Variants in KLKB1 observed in about 807,000 individuals in gnomAD.
The protein encoded by KLKB1 is kallikrein B1, also known as plasma kallikrein.
A neutral mutation model predicts 73.6 loss-of-function variants in KLKB1; 58 were observed. The observed-to-expected ratio is 0.79, with a 90% CI of 0.64 to 0.98. The LOEUF is 0.98. KLKB1 is among the 50% of genes least tolerant of loss of function. The pLI, the probability that KLKB1 is intolerant of heterozygous loss-of-function variation, is 0.00. For missense variants in KLKB1, 737 were observed against 763.8 expected (o/e 0.96, Z 0.41); for synonymous variants, 280 against 258.1 (o/e 1.08, Z -0.81).
intron 2 of KLKB1, among the ~76,000 whole-genome samples, chr4:186,219,367 G>T (rs557063859): frequency 6.6e-6 from 1 of 152,134 alleles, no homozygotes; most frequent in East Asian, 1.9e-4. Context: ...TAATAATAAG[G>T]TCATAATTAT....
chr4:186,216,125 A>G (rs1282759552), intron 2 of KLKB1, among the ~76,000 whole-genome samples: 3 of 152,248 alleles, frequency 2.0e-5, no homozygotes, highest in South Asian at 4.1e-4. Context: ...GTAATAGCTT[A>G]CATGTGCGAT....
chr4:186,235,956 A>T (rs949085310), intron 4 of KLKB1, among the ~76,000 whole-genome samples: 1 of 151,984 alleles, frequency 6.6e-6, no homozygotes, highest in African/African-American at 2.4e-5. Context: ...TCTACTAAAA[A>T]TACAAAAATT....
At chr4:186,234,991 A>G (rs1311606385) in intron 4 of KLKB1, among the ~76,000 whole-genome samples, 2 of 152,138 alleles carry the variant, frequency 1.3e-5, no homozygotes, top group East Asian at 1.9e-4. Context: ...ATGTTTTTAA[A>G]TTTGTCATCC....
chr4:186,234,024 A>G lies in KLKB1; in HGVS notation c.294A>G (p.Gly98=). ...TACATCGAACAGGTGCAGTTTCTGG[A>G]CATTCCTTGAAGCAATGTGGTCATC... The part of the protein sequence containing the change: ...PKVHRTGAVS[G]HSLKQCGHQI... Residue 98 remains glycine (G), a synonymous_variant, in exon 4 of 15, where the codon GGA becomes GGG. Transcript: ENST00000264690. The G allele has an allele frequency of 6.2e-7, 1 of 1,614,018 alleles. No individual in the cohort carries two copies. The highest frequency in any genetic ancestry group is 8.5e-7 in the Non-Finnish European group (1 of 1,179,888).
At chr4:186,221,585 G>C (rs562151000), upstream of KLKB1, among the ~76,000 whole-genome samples, 3 of 151,932 alleles carry the variant, frequency 2.0e-5, no homozygotes, top group Non-Finnish European at 2.9e-5. Context: ...TAATTTTCAT[G>C]TATTTGTGAA....
chr4:186,250,396 C>T lies in KLKB1; in HGVS notation c.752C>T (p.Ser251Leu). ...TATACAAATGTATGGAAAATCGAGT[C>T]ACAAAGGCGAGTATGCATGGAAAAT... ...TFYTNVWKIE[S>L]QRNVCLLKTS... Residue 251 changes from serine to leucine, a missense_variant, in exon 7 of 15, where the codon TCA (serine) becomes TTA (leucine). By Grantham distance (145) the Ser-to-Leu change is moderately radical. Coordinates refer to ENST00000264690, the MANE Select transcript of KLKB1 (RefSeq NM_000892.5). 6.2e-7 allele frequency: 1 copy of T among 1,613,814 alleles called. No homozygotes were observed. The highest frequency in any genetic ancestry group is 8.5e-7 in the Non-Finnish European group (1 of 1,179,748).
Position 186,252,778 on chromosome 4 carries a change from C to T in KLKB1, c.1313+593C>T, listed in dbSNP as rs541826763. On this transcript the variant is annotated intron_variant, in intron 11 of 14. Transcript: ENST00000264690. ...TCCCACCACCAATCCCTGATGTGTT[C>T]TTCAAAGACTTATTTGTCAGGCCCA... is the stretch of plus-strand genomic sequence containing the variant. 9.2e-5 allele frequency among the ~76,000 whole-genome samples: 14 copies of T among 152,174 alleles called. No individual in the cohort carries two copies. The South Asian group carries it at 2.9e-3, about 32-fold the overall frequency.
Position 186,233,824 on chromosome 4 carries a change from C to A in KLKB1, c.222-128C>A, listed in dbSNP as rs1168905465. 4.0e-5 allele frequency: 28 copies of A among 702,128 alleles called. No individual in the cohort carries two copies. The Admixed American group carries it at 5.5e-4, about 14-fold the overall frequency. The allele number at this position is 702,128 out of a possible 1,614,324, so 43.5% of individuals were successfully genotyped here. A position where few individuals can be genotyped will look rare whatever the true frequency, so the allele number is the denominator to read the frequency against. On this transcript the variant is annotated intron_variant, in intron 3 of 14. Transcript: ENST00000264690. ...TTAGCTCTAAGAGTGTTCTTTCCAG[C>A]AAGTATTGGGGAAGCTATATTATTT... is the stretch of plus-strand genomic sequence containing the variant.
At chr4:186,241,677 T>C (rs1738059683) in intron 6 of KLKB1, among the ~76,000 whole-genome samples, 2 of 152,122 alleles carry the variant, frequency 1.3e-5, no homozygotes, top group Non-Finnish European at 2.9e-5. Flanking sequence ...GAGGAAAACA[T>C]AAATTGGAAA....
intron 4 of KLKB1, among the ~76,000 whole-genome samples, chr4:186,234,540 T>C (rs948635465): frequency 6.6e-6 from 1 of 152,216 alleles, no homozygotes; most frequent in Non-Finnish European, 1.5e-5. Flanking sequence ...AATGTTTGAA[T>C]GCTGACCAAC....
In KLKB1 at chr4:186,248,814, C is replaced by T. The variant is rs549752886; in HGVS notation, c.599-1429C>T. ...ACCAGCAACAATTGAGGGCTTCAGT[C>T]TCTCTACAACCTTAACAACACTTGT... On this transcript the variant is annotated intron_variant, in intron 6 of 14. Coordinates refer to ENST00000264690, the MANE Select transcript of KLKB1 (RefSeq NM_000892.5). 3.9e-5 allele frequency among the ~76,000 whole-genome samples: 6 copies of T among 152,252 alleles called. No homozygotes were observed. In the South Asian group the frequency reaches 1.2e-3, roughly 32 times the overall value.
At chr4:186,223,409 A>C (rs1312759874), upstream of KLKB1, among the ~76,000 whole-genome samples, 1 of 152,250 alleles carries the variant, frequency 6.6e-6, no homozygotes, top group Non-Finnish European at 1.5e-5. Flanking sequence ...GGTTTTGACC[A>C]AAATGCTGAT....
At chr4:186,213,219 T>C (rs182480786) in intron 2 of KLKB1, 1 of 152,364 alleles carries the variant, frequency 6.6e-6, no homozygotes, top group East Asian at 1.9e-4. Flanking sequence ...AATTATTTCA[T>C]ATGCTACAGT....
chr4:186,257,159 A>G, intron 13 of KLKB1, 67 bp from the exon 14 acceptor site: 1 of 797,306 alleles, frequency 1.3e-6, no homozygotes, highest in Non-Finnish European at 1.9e-6. Context: ...TATTCCCAAT[A>G]TTATTATTTA....
At chr4:186,243,342 G>A (rs1043406049) in intron 6 of KLKB1, among the ~76,000 whole-genome samples, 1 of 152,216 alleles carries the variant, frequency 6.6e-6, no homozygotes, top group African/African-American at 2.4e-5. Flanking sequence ...GGCCTGTGAG[G>A]CTGGAGGAGA....
At chr4:186,251,105 C>A in intron 7 of KLKB1, 114 bp from the exon 8 acceptor site, 1 of 697,022 alleles carries the variant, frequency 1.4e-6, no homozygotes, top group South Asian at 1.7e-5. Context: ...GAGAGTTTCC[C>A]AGAAGAATAA....
chr4:186,224,281 C>G (rs1411423899), upstream of KLKB1, among the ~76,000 whole-genome samples: 2 of 152,224 alleles, frequency 1.3e-5, no homozygotes, highest in African/African-American at 4.8e-5. Flanking sequence ...CCCACTGGAG[C>G]ACTGCCCAGT....
chr4:186,219,829 A>G (rs1736994756), intron 2 of KLKB1, among the ~76,000 whole-genome samples: 1 of 152,078 alleles, frequency 6.6e-6, no homozygotes, highest in Admixed American at 6.6e-5. Context: ...CCTTAATCAC[A>G]GGGCATGGTA....
rs749215436 is a variant in KLKB1 at position 186,251,814 on chromosome 4, G to A, written c.1097G>A (p.Gly366Glu). Residue 366 changes from glycine (G) to glutamate (E), a missense_variant, in exon 10 of 15, where the codon GGG (glycine) becomes GAG (glutamate). Coordinates refer to ENST00000264690, the MANE Select transcript of KLKB1 (RefSeq NM_000892.5). ...SPTRIAYGTQGSSGYSLRLCN... is the reference protein window; with the variant it reads ...SPTRIAYGTQESSGYSLRLCN... Reference sequence around the variant, plus strand: ...ACTAGGATTGCGTATGGGACACAAGGGAGCTCTGGTTACTCTTTGAGATTG... The same window carrying A: ...ACTAGGATTGCGTATGGGACACAAGAGAGCTCTGGTTACTCTTTGAGATTG... 1.9e-5 allele frequency: 31 copies of A among 1,614,012 alleles called. No homozygotes were observed. The highest frequency in any genetic ancestry group is 2.5e-5 in the Non-Finnish European group (29 of 1,179,972).
Sources: allele counts gnomAD v4.1 joint callset (sites outside exome capture counted in the v4.1 genomes callset), GRCh38; gene constraint gnomAD v4.1.1; transcripts MANE v1.5; gene names NCBI Gene and HGNC (gene_info 2026-07-23, HGNC 2026-07-21).